Variants in LRMDA observed in about 807,000 individuals in gnomAD.
The protein encoded by LRMDA is leucine rich melanocyte differentiation associated.
LRMDA carries 18 observed loss-of-function variants against 29.8 expected under a neutral mutation model. The observed-to-expected ratio is 0.60, with a 90% CI of 0.42 to 0.90. LRMDA has a LOEUF of 0.90. Ranked by LOEUF, LRMDA falls within the 40% of genes least tolerant of loss-of-function variation. The pLI is 0.00. For synonymous variants in LRMDA, 125 were observed against 109.4 expected (o/e 1.14, Z -0.89); for missense variants, 273 against 273.9 (o/e 1.00, Z 0.02).
chr10:76,544,225 G>A (rs183495861), intron 6 of LRMDA, among the ~76,000 whole-genome samples: 7 of 152,302 alleles, frequency 4.6e-5, no homozygotes, highest in South Asian at 4.1e-4. Context: ...GCATCAAACT[G>A]TCGGAGCCAG....
rs114385101 is a variant in LRMDA at position 76,195,304 on chromosome 10, T to C, written c.517-129097T>C. Among the ~76,000 whole-genome samples, 571 of 152,324 alleles carry C rather than the reference T, an allele frequency of 3.7e-3. 5 individuals are homozygous for C. Among genetic ancestry groups the C allele is most frequent in the African/African-American group, 0.013 (532 of 41,578 alleles). ...GGTTCCAGCAAAAGGCAACTCTTCT[T>C]GACCTTGTACCATTGAAAGTCACAG... On this transcript the variant is annotated intron_variant, in intron 5 of 6. Transcript: ENST00000611255.
chr10:76,195,991 G>A (rs1377637803), intron 5 of LRMDA, among the ~76,000 whole-genome samples: 1 of 152,142 alleles, frequency 6.6e-6, no homozygotes, highest in Non-Finnish European at 1.5e-5. Context: ...TTTAAATTGG[G>A]TTTAGATCCT....
At chr10:75,831,093 T>C (rs1390027172) in intron 2 of LRMDA, among the ~76,000 whole-genome samples, 4 of 152,088 alleles carry the variant, frequency 2.6e-5, no homozygotes, top group African/African-American at 7.2e-5. Context: ...TCGCCTAGGC[T>C]GGAGTGCAGT....
intron 4 of LRMDA, among the ~76,000 whole-genome samples, chr10:76,051,438 A>T (rs529246653): frequency 1.3e-5 from 2 of 152,306 alleles, no homozygotes; most frequent in Admixed American, 1.3e-4. Flanking sequence ...GCATTCATGA[A>T]TGCTGTAGGT....
intron 2 of LRMDA, among the ~76,000 whole-genome samples, chr10:75,990,727 G>T (rs1463909365): frequency 1.3e-5 from 2 of 152,138 alleles, no homozygotes; most frequent in Non-Finnish European, 2.9e-5. Context: ...GAATATTTGT[G>T]TAGATAATAA....
chr10:76,189,511 CT>C (rs1270209274), intron 5 of LRMDA, among the ~76,000 whole-genome samples: 1 of 152,098 alleles, frequency 6.6e-6, no homozygotes, highest in Non-Finnish European at 1.5e-5. Flanking sequence ...GCAGTACTTG[CT>C]TTTTATCACA....
chr10:75,565,814 C>T (rs550601425), intron 2 of LRMDA, among the ~76,000 whole-genome samples: 2 of 152,176 alleles, frequency 1.3e-5, no homozygotes, highest in Non-Finnish European at 2.9e-5. Flanking sequence ...ATGGCTCATG[C>T]CTGTAATGCC....
intron 2 of LRMDA, among the ~76,000 whole-genome samples, chr10:75,607,514 T>C (rs1840971052): frequency 6.6e-6 from 1 of 152,232 alleles, no homozygotes; most frequent in South Asian, 2.1e-4. Context: ...TTTGTAGTGC[T>C]CTAATTTATA....
intron 5 of LRMDA, among the ~76,000 whole-genome samples, chr10:76,118,192 T>C (rs12771083): frequency 0.14 from 21,371 of 152,248 alleles, 1,943 homozygotes; most frequent in Non-Finnish European, 0.2. Context: ...CTGAAGTTTG[T>C]GAATGATGTA....
chr10:76,224,716 A>G (rs1392146907), intron 5 of LRMDA, among the ~76,000 whole-genome samples: 3 of 140,310 alleles, frequency 2.1e-5, no homozygotes, highest in Non-Finnish European at 4.5e-5. Context: ...ACAATTTAAC[A>G]TGTAACTTCA....
At chr10:76,458,846 A>G (rs771167492) in intron 6 of LRMDA, among the ~76,000 whole-genome samples, 3 of 152,120 alleles carry the variant, frequency 2.0e-5, no homozygotes, top group Non-Finnish European at 4.4e-5. Context: ...TATATTAAGA[A>G]GATTCGGCAT....
At position 75,471,201 on chromosome 10, in the gene LRMDA, C is replaced by CT. The variant is rs1469977506; in HGVS notation, c.131+32714dup. Among the ~76,000 whole-genome samples the CT allele has an allele frequency of 2.7e-5, 4 of 150,496 alleles. No individual in the cohort carries two copies. The South Asian group carries it at 8.4e-4, about 32-fold the overall frequency. ...TTATAATTTCATCACCTTAATTCAG[C>CT]TTTTTTTCTGGCGGGGGGGTGGGGT... On this transcript the variant is annotated intron_variant, in intron 2 of 6. Coordinates refer to ENST00000611255, the MANE Select transcript of LRMDA (RefSeq NM_001305581.2).
rs565880283 is a variant in LRMDA at position 75,844,518 on chromosome 10, C to T, written c.132-191490C>T. ...GCAGGCTGGATGTGTCTCTTTTACC[C>T]GGGCTCACTCCATCTTGGCTCCCCC... is the stretch of plus-strand genomic sequence containing the variant. On this transcript the variant is annotated intron_variant, in intron 2 of 6. Coordinates refer to ENST00000611255, the MANE Select transcript of LRMDA (RefSeq NM_001305581.2). Among the ~76,000 whole-genome samples, 31 of 152,242 alleles carry T rather than the reference C, an allele frequency of 2.0e-4. No homozygotes were observed. In the South Asian group the frequency reaches 3.3e-3, roughly 16 times the overall value.
At chr10:76,046,834 A>C (rs1430452413) in intron 3 of LRMDA, among the ~76,000 whole-genome samples, 1 of 152,206 alleles carries the variant, frequency 6.6e-6, no homozygotes, top group Non-Finnish European at 1.5e-5. Context: ...TGCATATTGT[A>C]AAAATATTTT....
rs550491983 is a variant in LRMDA at position 75,520,578 on chromosome 10, G to A, written c.131+82084G>A. ...CACTGTTTATTCTAGTTAGCCATTC[G>A]TCTAGCCATTTTTCAAGGTCTTTAG... On this transcript the variant is annotated intron_variant, in intron 2 of 6. Transcript: ENST00000611255. 7.9e-5 allele frequency among the ~76,000 whole-genome samples: 12 copies of A among 152,174 alleles called. No individual in the cohort carries two copies. The South Asian group carries it at 1.9e-3, about 24-fold the overall frequency.
intron 6 of LRMDA, among the ~76,000 whole-genome samples, chr10:76,477,280 A>G (rs1342214862): frequency 2.0e-5 from 3 of 152,116 alleles, no homozygotes; most frequent in South Asian, 2.1e-4. Flanking sequence ...GAGCCAAATC[A>G]TGAGTGAACT....
intron 2 of LRMDA, among the ~76,000 whole-genome samples, chr10:76,010,882 G>A (rs922687497): frequency 2.6e-5 from 4 of 152,246 alleles, no homozygotes; most frequent in Non-Finnish European, 5.9e-5. Context: ...CTGGCTGAAC[G>A]GAGATCCTGA....
intron 2 of LRMDA, among the ~76,000 whole-genome samples, chr10:75,857,685 C>T (rs1421271228): frequency 6.6e-6 from 1 of 152,148 alleles, no homozygotes; most frequent in Non-Finnish European, 1.5e-5. Flanking sequence ...TTAAAGGAGG[C>T]CATAAAGATA....
At chr10:76,545,176 AT>A (rs1378887441) in intron 6 of LRMDA, among the ~76,000 whole-genome samples, 4 of 60,208 alleles carry the variant, frequency 6.6e-5, no homozygotes, top group Admixed American at 4.4e-4. Flanking sequence ...TTTGTTTTTT[AT>A]TTTGTTTTTT....
Sources: allele counts gnomAD v4.1 joint callset (sites outside exome capture counted in the v4.1 genomes callset), GRCh38; gene constraint gnomAD v4.1.1; transcripts MANE v1.5; gene names NCBI Gene and HGNC (gene_info 2026-07-23, HGNC 2026-07-21).